HERC5: variants seen among roughly 807,000 people sequenced by gnomAD.
HERC5 encodes HECT and RLD domain containing E3 ubiquitin protein ligase 5.
Under a neutral mutation model 119.6 loss-of-function variants are expected in HERC5, and 99 were observed. The observed-to-expected ratio is 0.83, with a 90% CI of 0.70 to 0.98. The LOEUF (loss-of-function observed/expected upper bound fraction) is 0.98, where lower values mean the gene tolerates loss of function less well. Among genes scored for constraint, HERC5 ranks in the 50% least tolerant of loss-of-function variants. HERC5 has a pLI of 0.00. For synonymous variants in HERC5, 478 were observed against 445.9 expected, an observed-to-expected ratio of 1.07 and a Z score of -0.91; for missense variants, 1,267 against 1,241.3, an observed-to-expected ratio of 1.02 and a Z score of -0.31.
chr4:88,494,183 A>T lies in HERC5; in HGVS notation c.2296A>T (p.Arg766Ter), dbSNP rs1335207198. The T allele has an allele frequency of 1.1e-5, 17 of 1,608,584 alleles. No homozygotes were observed. The highest frequency in any genetic ancestry group is 1.4e-5 in the Non-Finnish European group (17 of 1,178,386). ...FPVKPKFEKKRYFFFGVLCGL... is the reference protein window; with the variant it reads ...FPVKPKFEKK ...TTTTCAGCCTAAATTTGAGAAGAAAAGATACTTCTTTTTTGGGGTTCTATG... is the reference window on the plus strand; with the variant it reads ...TTTTCAGCCTAAATTTGAGAAGAAATGATACTTCTTTTTTGGGGTTCTATG... The change falls in exon 18 of 23, where the codon AGA (arginine) becomes TGA (stop). Residue 766 changes from arginine to a stop codon, truncating the protein, a stop_gained. Coordinates refer to ENST00000264350, the MANE Select transcript of HERC5 (RefSeq NM_016323.4). LOFTEE classifies it high-confidence loss of function.
intron 11 of HERC5, chr4:88,473,503 G>A (rs947845044): frequency 1.3e-5 from 2 of 152,164 alleles, no homozygotes; most frequent in Non-Finnish European, 2.9e-5. Context: ...AAGGAAAGAT[G>A]GAAAGTTCAG....
At position 88,505,841 on chromosome 4, in the gene HERC5, T is replaced by C. The variant is rs369926460; in HGVS notation, c.3038T>C (p.Leu1013Pro). 4 of 1,612,968 alleles carry C rather than the reference T, an allele frequency of 2.5e-6. No individual in the cohort carries two copies. Among genetic ancestry groups the C allele is most frequent in the African/African-American group, 1.3e-5 (1 of 74,896 alleles). ...YSTMETVEEA[L>P]QEAINNNRGF... ...ACAATGGAAACAGTTGAAGAAGCGCTTCAAGAAGCCATCAACAACAACAGA... is the reference window on the plus strand; with the variant it reads ...ACAATGGAAACAGTTGAAGAAGCGCCTCAAGAAGCCATCAACAACAACAGA... The change falls in exon 23 of 23, where the codon CTT (leucine) becomes CCT (proline). Residue 1013 changes from leucine to proline, a missense_variant. Leu to Pro is a moderately conservative substitution (Grantham distance 98). Coordinates refer to ENST00000264350, the MANE Select transcript of HERC5 (RefSeq NM_016323.4).
chr4:88,464,059 T>C, intron 6 of HERC5, 74 bp downstream of exon 6: 2 of 1,341,112 alleles, frequency 1.5e-6, no homozygotes, highest in Non-Finnish European at 2.0e-6. Flanking sequence ...TAAAATTTCT[T>C]TCAGTTTCTT....
intron 16 of HERC5, 143 bp from the exon 17 acceptor site, chr4:88,492,869 A>G (rs993494123): frequency 1.6e-6 from 1 of 613,886 alleles, no homozygotes; most frequent in Non-Finnish European, 2.7e-6. Flanking sequence ...TAAATATGAT[A>G]ATATAAGTAG....
Position 88,469,178 on chromosome 4 carries a change from A to T in HERC5, c.1156A>T (p.Arg386Trp). The T allele has an allele frequency of 6.2e-7, 1 of 1,610,242 alleles. No individual in the cohort carries two copies. Among genetic ancestry groups the T allele is most frequent in the South Asian group, 1.1e-5 (1 of 90,788 alleles). ...KKENSYVNLK[R>W]TIPTLNEGTV... ...ACAGAATTCATATGTTAATCTGAAG[A>T]GGACAATTCCTACTCTGAATGAAGG... The change falls in exon 9 of 23, where the codon AGG (arginine) becomes TGG (tryptophan). Residue 386 changes from arginine to tryptophan, a missense_variant. Coordinates refer to ENST00000264350, the MANE Select transcript of HERC5 (RefSeq NM_016323.4).
intron 10 of HERC5, 25 bp downstream of exon 10, chr4:88,470,698 T>A: frequency 9.8e-7 from 1 of 1,016,708 alleles, no homozygotes; most frequent in Non-Finnish European, 1.5e-6. Context: ...AAATTAATTG[T>A]ATTAAATTGT....
chr4:88,465,031 A>G (rs1429341546), intron 6 of HERC5, among the ~76,000 whole-genome samples: 2 of 152,032 alleles, frequency 1.3e-5, no homozygotes, highest in South Asian at 2.1e-4. Flanking sequence ...CGGCCTCCCA[A>G]AGTGCTGGGA....
At chr4:88,486,550 A>G (rs1353035829) in intron 14 of HERC5, among the ~76,000 whole-genome samples, 1 of 152,242 alleles carries the variant, frequency 6.6e-6, no homozygotes, top group Non-Finnish European at 1.5e-5. Flanking sequence ...GCCAAGAGCC[A>G]AGACCCTGTG....
Position 88,500,966 on chromosome 4 carries a change from A to G in HERC5, c.2563A>G (p.Thr855Ala). Residue 855 changes from threonine (T) to alanine (A), a missense_variant, in exon 20 of 23, where the codon ACT (threonine) becomes GCT (alanine). Around this residue, in one of 3 missense-constraint regions of HERC5, gnomAD observed 473 missense variants for 445.7 expected, o/e 1.06. Transcript: ENST00000264350. The part of the protein sequence containing the change: ...TNLIPNGSSI[T>A]VNQTNKRDYV... The stretch of plus-strand genomic sequence containing the variant: ...CTTAATTCCTAATGGAAGTAGCATA[A>G]CTGTCAACCAGACTAACAAGTAGGT... 6.2e-7 allele frequency: 1 copy of G among 1,611,262 alleles called. No individual in the cohort carries two copies.
chr4:88,493,607 T>G (rs1248011342), intron 17 of HERC5, among the ~76,000 whole-genome samples: 1 of 152,088 alleles, frequency 6.6e-6, no homozygotes, highest in Non-Finnish European at 1.5e-5. Flanking sequence ...TTTGTTTGTT[T>G]TGTTTTGCTT....
In HERC5 at chr4:88,499,920, C is replaced by G; in HGVS notation, c.2445-6C>G. Reference sequence around the variant, plus strand: ...CTTTTTAAAAGCAAGATTATTTTTTCCTTAGGAATTTGCAAACACTTCTGG... The same window carrying G: ...CTTTTTAAAAGCAAGATTATTTTTTGCTTAGGAATTTGCAAACACTTCTGG... On this transcript the variant is annotated splice_region_variant and splice_polypyrimidine_tract_variant and intron_variant, in intron 18 of 22. Coordinates refer to ENST00000264350, the MANE Select transcript of HERC5 (RefSeq NM_016323.4). 1 of 1,592,568 alleles carries G rather than the reference C, an allele frequency of 6.3e-7. No individual in the cohort carries two copies. The highest frequency in any genetic ancestry group is 8.6e-7 in the Non-Finnish European group (1 of 1,162,344).
intron 13 of HERC5, among the ~76,000 whole-genome samples, chr4:88,480,840 T>A (rs1315583281): frequency 6.6e-6 from 1 of 152,256 alleles, no homozygotes; most frequent in Non-Finnish European, 1.5e-5. Context: ...TGACTTTTGT[T>A]CATTTAAATG....
chr4:88,501,889 C>T (rs1741957466), intron 20 of HERC5, among the ~76,000 whole-genome samples: 1 of 152,138 alleles, frequency 6.6e-6, no homozygotes, highest in African/African-American at 2.4e-5. Context: ...ACCTCCGCCT[C>T]CCGGGTTCAA....
chr4:88,459,983 T>A (rs1193886058), intron 2 of HERC5, 112 bp from the exon 3 acceptor site: 1 of 594,214 alleles, frequency 1.7e-6, no homozygotes, highest in Non-Finnish European at 3.0e-6. Flanking sequence ...ATGCAGTAAA[T>A]TGAAAGTTTT....
intron 18 of HERC5, among the ~76,000 whole-genome samples, chr4:88,495,721 A>G (rs931415144): frequency 6.6e-6 from 1 of 152,188 alleles, no homozygotes; most frequent in African/African-American, 2.4e-5. Context: ...GAGTCTATTA[A>G]TCGTTTATAC....
Position 88,463,931 on chromosome 4 carries a change from C to T in HERC5, c.857C>T (p.Pro286Leu). ...GHNSTQNELR[P>L]CLVAELVGYR... The stretch of plus-strand genomic sequence containing the variant: ...AATTCAACACAGAATGAGCTAAGAC[C>T]CTGTTTGGTGGCTGAGCTTGTTGGG... Residue 286 changes from proline (P) to leucine (L), a missense_variant, in exon 6 of 23, where the codon CCC (proline) becomes CTC (leucine). This residue lies in a region of HERC5 where 777 missense variants were observed against 758.0 expected (regional missense o/e 1.03). Coordinates refer to ENST00000264350, the MANE Select transcript of HERC5 (RefSeq NM_016323.4). 6.2e-7 allele frequency: 1 copy of T among 1,613,314 alleles called. No individual in the cohort carries two copies. The highest frequency in any genetic ancestry group is 2.2e-5 in the East Asian group (1 of 44,860).
At chr4:88,480,251 C>T (rs1462627270) in intron 13 of HERC5, among the ~76,000 whole-genome samples, 5 of 151,992 alleles carry the variant, frequency 3.3e-5, no homozygotes, top group Admixed American at 3.3e-4. Context: ...TTTAATTTTG[C>T]TATTTTCAAA....
At chr4:88,497,960 C>T (rs918765788) in intron 18 of HERC5, among the ~76,000 whole-genome samples, 3 of 152,170 alleles carry the variant, frequency 2.0e-5, no homozygotes, top group Non-Finnish European at 4.4e-5. Flanking sequence ...TGATGTCCAG[C>T]GCTGCCTCAA....
intron 6 of HERC5, among the ~76,000 whole-genome samples, chr4:88,464,840 G>A (rs1451863260): frequency 2.0e-5 from 3 of 151,920 alleles, no homozygotes; most frequent in Non-Finnish European, 2.9e-5. Flanking sequence ...GCGCAATCTC[G>A]GCTCACTGCA....
Sources: gnomAD v4.1 joint callset for allele counts (sites outside exome capture counted in the v4.1 genomes callset) on GRCh38, gnomAD v4.1.1 for gene constraint, gnomAD v4.1.1 regional missense constraint, MANE v1.5 for transcripts, NCBI Gene and HGNC (gene_info 2026-07-23, HGNC 2026-07-21) for gene names.